The following KLHDC4 variants were observed in gnomAD, a reference collection of about 807,000 sequenced individuals.
KLHDC4 encodes kelch domain-containing protein 4.
KLHDC4 carries 90 observed loss-of-function variants against 62.4 expected under a neutral mutation model. The ratio of observed to expected loss-of-function variants is 1.44; its 90% confidence interval spans 1.22 to 1.72. The LOEUF (loss-of-function observed/expected upper bound fraction) is 1.72. KLHDC4 is among the 40% of genes most tolerant of loss of function. The probability of loss-of-function intolerance (pLI) is 0.00; values close to 1 mark genes in which losing one functional copy is unlikely to be tolerated. For synonymous variants in KLHDC4, 386 were observed against 284.4 expected, an observed-to-expected ratio of 1.36 and a Z score of -3.59; for missense variants, 1,025 against 699.7, an observed-to-expected ratio of 1.47 and a Z score of -5.25.
In KLHDC4 at chr16:87,709,438, G is replaced by C; in HGVS notation, c.1274C>G (p.Pro425Arg). ...GGAGCGTGGACACGGCCCAGGTGCG[G>C]GGCTGCCGGCCTCCTCAAGGCTGTC... is the stretch of plus-strand genomic sequence containing the variant. ...DEDSLEEAGS[P>R]APGPCPRSNA... is the part of the protein sequence containing the mutation. The change falls in exon 10 of 12, where the codon CCC becomes CGC. Residue 425 changes from proline to arginine, a missense_variant. Physicochemically the swap from Pro to Arg is moderately radical, Grantham distance 103 (BLOSUM62 -2). Coordinates refer to ENST00000270583, the MANE Select transcript of KLHDC4 (RefSeq NM_017566.4). The C allele has an allele frequency of 1.2e-6, 2 of 1,612,650 alleles. No individual in the cohort carries two copies. The highest frequency in any genetic ancestry group is 1.7e-6 in the Non-Finnish European group (2 of 1,179,924).
intron 5 of KLHDC4, among the ~76,000 whole-genome samples, chr16:87,748,130 G>A (rs1405229205): frequency 6.6e-6 from 1 of 152,134 alleles, no homozygotes; most frequent in African/African-American, 2.4e-5. Flanking sequence ...TTGACTAATG[G>A]GAGACACCCG....
At chr16:87,721,548 C>T (rs80031568) in intron 7 of KLHDC4, among the ~76,000 whole-genome samples, 8,740 of 152,120 alleles carry the variant, frequency 0.057, 328 homozygotes, top group South Asian at 0.16. Context: ...AACCTGCAGC[C>T]GGTGACCTGG....
At chr16:87,709,907 C>T (rs2035444641) in intron 9 of KLHDC4, 6 of 554,804 alleles carry the variant, frequency 1.1e-5, no homozygotes, top group Admixed American at 3.2e-5. Flanking sequence ...CCCCCCACTG[C>T]GTGTCCTCAC....
At chr16:87,763,996 G>C (rs1372435697) in intron 1 of KLHDC4, among the ~76,000 whole-genome samples, 1 of 152,246 alleles carries the variant, frequency 6.6e-6, no homozygotes, top group Non-Finnish European at 1.5e-5. Context: ...CAGCTGGAAA[G>C]ACAGGCAGAG....
chr16:87,744,057 T>C (rs1863977724), intron 5 of KLHDC4, among the ~76,000 whole-genome samples: 1 of 152,088 alleles, frequency 6.6e-6, no homozygotes, highest in South Asian at 2.1e-4. Context: ...GGGGGGCAGA[T>C]CACTTGAGGT....
chr16:87,718,253 G>A (rs1042309630), intron 7 of KLHDC4, among the ~76,000 whole-genome samples: 3 of 150,414 alleles, frequency 2.0e-5, no homozygotes, highest in African/African-American at 4.9e-5. Context: ...TTACATTCAC[G>A]CAGTCTTTCC....
intron 1 of KLHDC4, among the ~76,000 whole-genome samples, chr16:87,762,633 A>C (rs1391478548): frequency 1.3e-5 from 2 of 152,230 alleles, no homozygotes; most frequent in Non-Finnish European, 2.9e-5. Context: ...CACTGCCTGC[A>C]CAGCAAGAGC....
chr16:87,724,954 A>G (rs1326183546), intron 7 of KLHDC4, among the ~76,000 whole-genome samples: 1 of 152,232 alleles, frequency 6.6e-6, no homozygotes, highest in African/African-American at 2.4e-5. Flanking sequence ...GAAACAGCCC[A>G]GGTGTCCAAC....
chr16:87,707,099 C>T (rs2034827306), downstream of KLHDC4, among the ~76,000 whole-genome samples: 1 of 152,268 alleles, frequency 6.6e-6, no homozygotes, highest in African/African-American at 2.4e-5. Flanking sequence ...TACACAAAAA[C>T]TGCACCAGGT....
intron 8 of KLHDC4, among the ~76,000 whole-genome samples, chr16:87,713,256 G>A (rs1164409636): frequency 6.6e-6 from 1 of 152,022 alleles, no homozygotes; most frequent in Non-Finnish European, 1.5e-5. Flanking sequence ...CTGGAGTGCG[G>A]TGGTGCAATC....
chr16:87,752,525 C>T (rs1434092197), intron 4 of KLHDC4, among the ~76,000 whole-genome samples: 4 of 151,880 alleles, frequency 2.6e-5, no homozygotes, highest in Admixed American at 6.6e-5. Context: ...TTAGTAGAGA[C>T]GGGGTTTCAC....
intron 1 of KLHDC4, among the ~76,000 whole-genome samples, chr16:87,764,267 G>A (rs550257019): frequency 6.6e-6 from 1 of 152,218 alleles, no homozygotes; most frequent in South Asian, 2.1e-4. Context: ...CAAACCCCAG[G>A]CCTGACAGGC....
rs2040176136 is a variant in KLHDC4, at chr16:87,730,601, C to T, written c.550G>A (p.Ala184Thr). ...AACAGGATCAATTGTCTCTTCCAGG[C>T]CACCATCCGATGTCCACTCCGACCC... is the stretch of plus-strand genomic sequence containing the variant. ...PSGRSGHRMV[A>T]WKRQLILFGG... Residue 184 changes from alanine to threonine, a missense_variant, in exon 6 of 12, where the codon GCC (alanine) becomes ACC (threonine). Ala to Thr is a moderately conservative substitution (Grantham distance 58). Coordinates refer to ENST00000270583, the MANE Select transcript of KLHDC4 (RefSeq NM_017566.4). 1.2e-6 allele frequency: 2 copies of T among 1,613,130 alleles called. No individual in the cohort carries two copies. Among genetic ancestry groups the T allele is most frequent in the African/African-American group, 2.7e-5 (2 of 74,984 alleles).
intron 4 of KLHDC4, among the ~76,000 whole-genome samples, chr16:87,752,553 T>A (rs550703052): frequency 6.6e-6 from 1 of 152,082 alleles, no homozygotes; most frequent in East Asian, 2.0e-4. Context: ...GCCAGGATGG[T>A]CTCGATCTCC....
intron 6 of KLHDC4, among the ~76,000 whole-genome samples, chr16:87,728,377 G>C (rs1047763614): frequency 2.0e-5 from 3 of 152,138 alleles, no homozygotes; most frequent in South Asian, 2.1e-4. Flanking sequence ...TTAGTACAAA[G>C]ATTCTACTTT....
intron 5 of KLHDC4, among the ~76,000 whole-genome samples, chr16:87,744,741 A>C (rs1433536803): frequency 6.6e-6 from 1 of 152,250 alleles, no homozygotes; most frequent in African/African-American, 2.4e-5. Context: ...AAATGATACC[A>C]AGAAAAGATC....
At chr16:87,707,237 T>C (rs1033323884), downstream of KLHDC4, among the ~76,000 whole-genome samples, 1 of 152,232 alleles carries the variant, frequency 6.6e-6, no homozygotes, top group Non-Finnish European at 1.5e-5. Flanking sequence ...GCCGCAGCGC[T>C]GAAGCCAGGA....
chr16:87,765,502 G>C (rs78810405), intron 1 of KLHDC4, among the ~76,000 whole-genome samples: 1 of 152,112 alleles, frequency 6.6e-6, no homozygotes, highest in Non-Finnish European at 1.5e-5. Flanking sequence ...AGGGAGAAGG[G>C]AGGAGGGGGA....
Position 87,748,623 on chromosome 16 carries a change from A to G in KLHDC4, c.506+50T>C, listed in dbSNP as rs761953995. The G allele has an allele frequency of 3.1e-6, 5 of 1,610,316 alleles. No individual in the cohort carries two copies. The Admixed American group carries it at 5.0e-5, about 16-fold the overall frequency. On this transcript the variant is annotated intron_variant, in intron 5 of 11. Transcript: ENST00000270583. Reference sequence around the variant, plus strand: ...CTCCGAGCACTCGGGCTCAGCACACAAGCACAGAAGAGCCATGCCCGGAGC... The same window carrying G: ...CTCCGAGCACTCGGGCTCAGCACACGAGCACAGAAGAGCCATGCCCGGAGC...
Sources: allele counts gnomAD v4.1 joint callset (sites outside exome capture counted in the v4.1 genomes callset), GRCh38; gene constraint gnomAD v4.1.1; transcripts MANE v1.5; gene names NCBI Gene and HGNC (gene_info 2026-07-23, HGNC 2026-07-21).